Variants in MAGI3 observed in about 807,000 individuals in gnomAD.
MAGI3 encodes the protein membrane associated guanylate kinase, WW and PDZ domain containing 3.
Under a neutral mutation model 121.8 loss-of-function variants are expected in MAGI3, and 43 were observed. That is an observed-to-expected ratio of 0.35 (90% CI 0.28 to 0.46). The LOEUF is 0.46. MAGI3 is among the 20% of genes least tolerant of loss of function. The pLI, the probability that MAGI3 is intolerant of heterozygous loss-of-function variation, is 1.00. For synonymous variants in MAGI3, 553 were observed against 639.3 expected (o/e 0.86, Z 2.04); for missense variants, 1,547 against 1,797.3 (o/e 0.86, Z 2.52).
At chr1:113,656,824 A>G (rs1653500470) in intron 15 of MAGI3, among the ~76,000 whole-genome samples, 1 of 152,128 alleles carries the variant, frequency 6.6e-6, no homozygotes, top group African/African-American at 2.4e-5. Flanking sequence ...GAGTTTCTCT[A>G]CTGTTGACTT....
At chr1:113,416,235 AT>A (rs1652351333) in intron 1 of MAGI3, among the ~76,000 whole-genome samples, 1 of 138,678 alleles carries the variant, frequency 7.2e-6, no homozygotes, top group African/African-American at 2.6e-5. Flanking sequence ...AATGACACAT[AT>A]TAATTATGTA....
chr1:113,514,474 A>G lies in MAGI3; in HGVS notation c.317-35041A>G, dbSNP rs1400280994. 2.0e-5 allele frequency among the ~76,000 whole-genome samples: 3 copies of G among 152,096 alleles called. No homozygotes were observed. The East Asian group carries it at 5.8e-4, about 29-fold the overall frequency. The stretch of plus-strand genomic sequence containing the variant: ...AAAATGATGAGTTCATGTCCTTTGT[A>G]GGGACATGGATGAAACTGGAAATCA... On this transcript the variant is annotated intron_variant, in intron 1 of 20. Coordinates refer to ENST00000307546, the MANE Select transcript of MAGI3 (RefSeq NM_001142782.2).
intron 7 of MAGI3, among the ~76,000 whole-genome samples, chr1:113,616,949 T>C (rs1650510846): frequency 6.6e-6 from 1 of 150,462 alleles, no homozygotes; most frequent in Non-Finnish European, 1.5e-5. Flanking sequence ...AGCAGCACGA[T>C]CTTGGCTCAC....
chr1:113,515,191 G>A (rs1657828981), intron 1 of MAGI3, among the ~76,000 whole-genome samples: 1 of 152,030 alleles, frequency 6.6e-6, no homozygotes, highest in Non-Finnish European at 1.5e-5. Flanking sequence ...TCTCACGGCA[G>A]CAAACTTCCA....
chr1:113,511,416 C>T (rs1657609595), intron 1 of MAGI3, among the ~76,000 whole-genome samples: 1 of 152,200 alleles, frequency 6.6e-6, no homozygotes, highest in Non-Finnish European at 1.5e-5. Flanking sequence ...ATGCTTCGTG[C>T]TGCAAAGAAG....
intron 1 of MAGI3, among the ~76,000 whole-genome samples, chr1:113,437,807 T>TCC (rs1653656155): frequency 3.3e-4 from 1 of 3,058 alleles, no homozygotes. Context: ...CTTTCTTCTT[T>TCC]TCTTCTTCTT....
At chr1:113,626,361 T>A (rs1020608949) in intron 9 of MAGI3, among the ~76,000 whole-genome samples, 5 of 152,240 alleles carry the variant, frequency 3.3e-5, no homozygotes, top group Admixed American at 1.3e-4. Context: ...CAAATTTTAC[T>A]TGCTAATATT....
intron 1 of MAGI3, among the ~76,000 whole-genome samples, chr1:113,436,618 A>G (rs1327837171): frequency 1.3e-5 from 2 of 152,138 alleles, no homozygotes; most frequent in Non-Finnish European, 2.9e-5. Context: ...GGGTAATGTT[A>G]ATAGTTCATG....
chr1:113,630,504 C>A (rs894873798), intron 9 of MAGI3, among the ~76,000 whole-genome samples: 2 of 152,090 alleles, frequency 1.3e-5, no homozygotes, highest in African/African-American at 4.8e-5. Context: ...TTACCTTTCC[C>A]CCTACTTTTC....
chr1:113,679,779 C>T (rs1398698295), intron 19 of MAGI3, among the ~76,000 whole-genome samples: 2 of 151,372 alleles, frequency 1.3e-5, no homozygotes, highest in African/African-American at 2.4e-5. Context: ...AATCTCGGCT[C>T]ATTGCAACCT....
intron 2 of MAGI3, among the ~76,000 whole-genome samples, chr1:113,561,090 C>T (rs192509605): frequency 6.6e-6 from 1 of 152,244 alleles, no homozygotes; most frequent in African/African-American, 2.4e-5. Flanking sequence ...CCTGAAGAGA[C>T]CAATAGCCAG....
chr1:113,396,768 G>C (rs1014031430), intron 1 of MAGI3, among the ~76,000 whole-genome samples: 16 of 152,186 alleles, frequency 1.1e-4, no homozygotes, highest in Admixed American at 9.8e-4. Flanking sequence ...ATAAACATGA[G>C]TCAGAAATTG....
At position 113,580,571 on chromosome 1, in the gene MAGI3, G is replaced by T; in HGVS notation, c.463G>T (p.Val155Leu). The change falls in exon 3 of 21, where the codon GTA (valine) becomes TTA (leucine). Residue 155 changes from valine (V) to leucine (L), a missense_variant. Coordinates refer to ENST00000307546, the MANE Select transcript of MAGI3 (RefSeq NM_001142782.2). ...CTTRAPRDGE[V>L]PGVDYNFISV... is the part of the protein sequence containing the mutation. ...TACAAGGGCCCCCAGGGATGGAGAA[G>T]TACCAGGAGTGGATTATAATTTCAT... 3 of 1,611,328 alleles carry T rather than the reference G, an allele frequency of 1.9e-6. No individual in the cohort carries two copies. Among genetic ancestry groups the T allele is most frequent in the Non-Finnish European group, 2.5e-6 (3 of 1,178,262 alleles).
chr1:113,419,778 G>A (rs1652640707), intron 1 of MAGI3, among the ~76,000 whole-genome samples: 1 of 152,142 alleles, frequency 6.6e-6, no homozygotes, highest in Admixed American at 6.6e-5. Flanking sequence ...TTACAGTTCT[G>A]GAGGTCAGAG....
intron 1 of MAGI3, among the ~76,000 whole-genome samples, chr1:113,473,586 G>C (rs1327515230): frequency 6.6e-6 from 1 of 152,098 alleles, no homozygotes; most frequent in Non-Finnish European, 1.5e-5. Context: ...CCCTGCAAAG[G>C]ACATGAACTC....
At chr1:113,665,071 A>G (rs913746921) in intron 16 of MAGI3, among the ~76,000 whole-genome samples, 2 of 152,142 alleles carry the variant, frequency 1.3e-5, no homozygotes, top group Non-Finnish European at 2.9e-5. Flanking sequence ...TTTTCCCCAC[A>G]TCACAGAGAT....
At chr1:113,559,576 G>T (rs368451357) in intron 2 of MAGI3, among the ~76,000 whole-genome samples, 9,380 of 149,452 alleles carry the variant, frequency 0.063, 335 homozygotes, top group Non-Finnish European at 0.073. Context: ...CCTTTTTTTT[G>T]TTTTTTTTTG....
At chr1:113,394,802 T>C (rs2101265993) in intron 1 of MAGI3, among the ~76,000 whole-genome samples, 1 of 152,290 alleles carries the variant, frequency 6.6e-6, no homozygotes. Flanking sequence ...CCTAAGCAAG[T>C]AGTGTATCCA....
intron 1 of MAGI3, among the ~76,000 whole-genome samples, chr1:113,436,385 T>C (rs1653568177): frequency 2.0e-5 from 3 of 152,170 alleles, no homozygotes; most frequent in Admixed American, 2.0e-4. Context: ...ATTTCTCTAA[T>C]GGGCAGTTTG....
Sources: gnomAD v4.1 joint callset for allele counts (sites outside exome capture counted in the v4.1 genomes callset) on GRCh38, gnomAD v4.1.1 for gene constraint, MANE v1.5 for transcripts, NCBI Gene and HGNC (gene_info 2026-07-23, HGNC 2026-07-21) for gene names.